IL1RAPL2: variants seen among roughly 807,000 people sequenced by gnomAD.
IL1RAPL2 encodes the protein X-linked interleukin-1 receptor accessory protein-like 2.
A neutral mutation model predicts 44.1 loss-of-function variants in IL1RAPL2; 3 were observed. The observed-to-expected ratio is 0.07, with a 90% CI of 0.03 to 0.18. The LOEUF is 0.18. Ranked by LOEUF, IL1RAPL2 falls within the 10% of genes least tolerant of loss-of-function variation. The pLI is 1.00. For missense variants in IL1RAPL2, 391 were observed against 496.4 expected, an observed-to-expected ratio of 0.79 and a Z score of 2.02; for synonymous variants, 181 against 178.8, an observed-to-expected ratio of 1.01 and a Z score of -0.10.
chrX:105,622,695 A>G (rs920019820), intron 6 of IL1RAPL2, among the ~76,000 whole-genome samples: 2 of 111,693 alleles, frequency 1.8e-5, no homozygotes, highest in Admixed American at 9.5e-5. Context: ...GAGTTTCAGA[A>G]AAGGTGTTTG....
At chrX:105,178,923 A>G (rs749979029) in intron 2 of IL1RAPL2, among the ~76,000 whole-genome samples, 13 of 111,349 alleles carry the variant, frequency 1.2e-4, no homozygotes, top group Non-Finnish European at 2.3e-4. Flanking sequence ...ATTTATAAAT[A>G]TTTTCTCCCA....
At chrX:104,631,643 C>A (rs954169295) in intron 1 of IL1RAPL2, among the ~76,000 whole-genome samples, 50 of 111,956 alleles carry the variant, frequency 4.5e-4, no homozygotes, top group East Asian at 1.1e-3. Flanking sequence ...TCTTCTTCTG[C>A]GAAGTGTCTG....
chrX:105,028,568 A>G (rs1299591272), intron 2 of IL1RAPL2, among the ~76,000 whole-genome samples: 1 of 111,474 alleles, frequency 9.0e-6, no homozygotes, highest in East Asian at 2.8e-4. Flanking sequence ...CTGTACATGC[A>G]AAAGCAGTGT....
intron 2 of IL1RAPL2, among the ~76,000 whole-genome samples, chrX:104,790,719 T>C (rs1932821396): frequency 8.9e-6 from 1 of 112,021 alleles, no homozygotes; most frequent in Non-Finnish European, 1.9e-5. Context: ...TTCCCCCTCA[T>C]ATCAGAGATA....
intron 1 of IL1RAPL2, among the ~76,000 whole-genome samples, chrX:104,590,597 G>GT (rs1928647514): frequency 9.0e-6 from 1 of 111,475 alleles, no homozygotes; most frequent in East Asian, 2.8e-4. Context: ...TTTCTTGTGT[G>GT]TTTTTATCAA....
At chrX:105,576,337 G>T (rs1286402285) in intron 6 of IL1RAPL2, among the ~76,000 whole-genome samples, 1 of 111,189 alleles carries the variant, frequency 9.0e-6, no homozygotes, top group Admixed American at 9.6e-5. Flanking sequence ...TTTTGTGAAT[G>T]GTGTAAAGAA....
At chrX:105,350,409 A>G (rs1211139476) in intron 5 of IL1RAPL2, among the ~76,000 whole-genome samples, 1 of 112,769 alleles carries the variant, frequency 8.9e-6, no homozygotes, top group Non-Finnish European at 1.9e-5. Flanking sequence ...AATGAAATTT[A>G]CTTATTTTAA....
At chrX:105,097,339 A>ACAAAAAAC (rs2032618169) in intron 2 of IL1RAPL2, among the ~76,000 whole-genome samples, 1 of 105,434 alleles carries the variant, frequency 9.5e-6, no homozygotes, top group African/African-American at 3.5e-5. Context: ...ACAAAAAAAA[A>ACAAAAAAC]AAAAAAAAAA....
intron 6 of IL1RAPL2, among the ~76,000 whole-genome samples, chrX:105,568,878 C>T (rs954676667): frequency 9.0e-6 from 1 of 111,626 alleles, no homozygotes; most frequent in Non-Finnish European, 1.9e-5. Flanking sequence ...CTTGAATGCA[C>T]AAAATAATTG....
At chrX:104,746,671 A>T (rs1932181472) in intron 2 of IL1RAPL2, among the ~76,000 whole-genome samples, 1 of 110,810 alleles carries the variant, frequency 9.0e-6, no homozygotes, top group Non-Finnish European at 1.9e-5. Flanking sequence ...TCCCATCTTC[A>T]TTCATAGCAG....
At chrX:105,321,810 A>G (rs1347790033) in intron 5 of IL1RAPL2, among the ~76,000 whole-genome samples, 2 of 112,759 alleles carry the variant, frequency 1.8e-5, no homozygotes, top group Middle Eastern at 4.6e-3. Context: ...TGGATTTTTT[A>G]TGTGAGTTTT....
intron 2 of IL1RAPL2, among the ~76,000 whole-genome samples, chrX:104,833,296 T>C (rs1008361809): frequency 1.8e-5 from 2 of 111,503 alleles, no homozygotes; most frequent in African/African-American, 6.5e-5. Flanking sequence ...TGCACCACTC[T>C]GCCTGGCTAA....
chrX:104,855,099 A>T (rs1432451783), intron 2 of IL1RAPL2, among the ~76,000 whole-genome samples: 1 of 112,249 alleles, frequency 8.9e-6, no homozygotes, highest in African/African-American at 3.2e-5. Context: ...AGAATTACAG[A>T]GTTTCTCATG....
intron 5 of IL1RAPL2, among the ~76,000 whole-genome samples, chrX:105,270,755 A>G (rs908223217): frequency 3.6e-5 from 4 of 111,875 alleles, no homozygotes; most frequent in African/African-American, 1.3e-4. Flanking sequence ...ATTAACAAGC[A>G]GATTGTCTTC....
At chrX:105,055,389 C>A (rs1164715200) in intron 2 of IL1RAPL2, among the ~76,000 whole-genome samples, 2 of 111,866 alleles carry the variant, frequency 1.8e-5, no homozygotes, top group East Asian at 5.6e-4. Flanking sequence ...GGGGGAAACA[C>A]AAATATTCAG....
chrX:104,730,303 A>G (rs1036142822), intron 2 of IL1RAPL2, among the ~76,000 whole-genome samples: 14 of 104,160 alleles, frequency 1.3e-4, no homozygotes, highest in Non-Finnish European at 2.4e-4. Flanking sequence ...TACATGTGCC[A>G]TGCTGGTGTG....
At chrX:105,698,808 A>T (rs971609011) in intron 6 of IL1RAPL2, among the ~76,000 whole-genome samples, 5 of 112,263 alleles carry the variant, frequency 4.5e-5, no homozygotes, top group Non-Finnish European at 9.4e-5. Context: ...CAAATTTGAC[A>T]GCAATTCTCA....
intron 6 of IL1RAPL2, among the ~76,000 whole-genome samples, chrX:105,542,238 C>T (rs768459879): frequency 8.9e-6 from 1 of 111,918 alleles, no homozygotes; most frequent in Non-Finnish European, 1.9e-5. Flanking sequence ...TGTAAGAGAG[C>T]ATTGTATTAG....
intron 2 of IL1RAPL2, among the ~76,000 whole-genome samples, chrX:104,901,540 T>C (rs1328421279): frequency 9.0e-6 from 1 of 110,686 alleles, no homozygotes; most frequent in Non-Finnish European, 1.9e-5. Flanking sequence ...AGGTCATGTA[T>C]TTTAAGAGCC....
Sources: allele counts gnomAD v4.1 joint callset (sites outside exome capture counted in the v4.1 genomes callset), GRCh38; gene constraint gnomAD v4.1.1; transcripts MANE v1.5; gene names NCBI Gene and HGNC (gene_info 2026-07-23, HGNC 2026-07-21).